The following AFAP1L1 variants were observed in gnomAD, a reference collection of about 807,000 sequenced individuals.
The protein encoded by AFAP1L1 is actin filament-associated protein 1-like 1.
A neutral mutation model predicts 99.8 loss-of-function variants in AFAP1L1; 77 were observed. That is an observed-to-expected ratio of 0.77 (90% confidence interval 0.64 to 0.93). The LOEUF (loss-of-function observed/expected upper bound fraction) is 0.93. AFAP1L1 is among the 40% of genes least tolerant of loss of function. The pLI is 0.00. For synonymous variants in AFAP1L1, 373 were observed against 395.3 expected (o/e 0.94, Z 0.67); for missense variants, 893 against 996.8 (o/e 0.90, Z 1.40).
intron 1 of AFAP1L1, among the ~76,000 whole-genome samples, chr5:149,272,527 C>G (rs1281748456): frequency 6.6e-6 from 1 of 152,196 alleles, no homozygotes; most frequent in Admixed American, 6.5e-5. Flanking sequence ...CTCGGCCCAG[C>G]CCTTCTCTCT....
At chr5:149,309,658 G>C (rs1372752897) in intron 7 of AFAP1L1, among the ~76,000 whole-genome samples, 1 of 152,124 alleles carries the variant, frequency 6.6e-6, no homozygotes, top group Non-Finnish European at 1.5e-5. Context: ...TCCCGAGCCA[G>C]CCCATTTCTT....
rs1756252799 is a variant in AFAP1L1, at chr5:149,302,398, T to C, written c.328-20T>C. On this transcript the variant is annotated intron_variant, in intron 4 of 18. Coordinates refer to ENST00000296721, the MANE Select transcript of AFAP1L1 (RefSeq NM_152406.4). ...CTACCCTGCTCCGCTCCCCTAGCCC[T>C]CTTTTTTGTCCCCTTGCAGGCGGCC... The C allele has an allele frequency of 1.3e-6, 2 of 1,555,326 alleles. No individual in the cohort carries two copies. The highest frequency in any genetic ancestry group is 1.7e-6 in the Non-Finnish European group (2 of 1,148,420).
chr5:149,274,752 G>A (rs202059550), intron 1 of AFAP1L1, among the ~76,000 whole-genome samples: 2 of 151,998 alleles, frequency 1.3e-5, no homozygotes, highest in Admixed American at 1.3e-4. Flanking sequence ...GGTGGCGGGC[G>A]CCTGTAATCC....
intron 11 of AFAP1L1, 34 bp from the exon 12 acceptor site, chr5:149,317,695 G>T: frequency 6.2e-7 from 1 of 1,609,274 alleles, no homozygotes; most frequent in Non-Finnish European, 8.5e-7. Context: ...TCCCAGGGCA[G>T]GCTATGGGAA....
chr5:149,272,053 G>C (rs1347520649), intron 1 of AFAP1L1, 69 bp downstream of exon 1: 2 of 1,228,934 alleles, frequency 1.6e-6, no homozygotes, highest in African/African-American at 3.1e-5. Flanking sequence ...ACGATCTGAA[G>C]CCGGAGAGGA....
At position 149,315,924 on chromosome 5, in the gene AFAP1L1, T is replaced by C; in HGVS notation, c.1114+10T>C. On this transcript the variant is annotated intron_variant, in intron 10 of 18. Transcript: ENST00000296721. ...GAGACCTGTGATCACGGTAGGAGCC[T>C]CTGGGGGCTCAGGCTGGGGAATGCT... 4 of 1,613,752 alleles carry C rather than the reference T, an allele frequency of 2.5e-6. No homozygotes were observed. The highest frequency in any genetic ancestry group is 3.4e-6 in the Non-Finnish European group (4 of 1,179,718).
intron 1 of AFAP1L1, among the ~76,000 whole-genome samples, chr5:149,290,798 A>G (rs1232390727): frequency 2.6e-5 from 4 of 151,964 alleles, no homozygotes; most frequent in Non-Finnish European, 2.9e-5. Context: ...TTAAAATCAC[A>G]TTAACTAGCT....
chr5:149,301,810 A>C (rs1402099943), intron 4 of AFAP1L1, among the ~76,000 whole-genome samples: 1 of 152,252 alleles, frequency 6.6e-6, no homozygotes, highest in Non-Finnish European at 1.5e-5. Context: ...CATTGTCATC[A>C]TCACCAGCAA....
At chr5:149,337,723 A>T (rs1259174108) in intron 18 of AFAP1L1, among the ~76,000 whole-genome samples, 6 of 152,212 alleles carry the variant, frequency 3.9e-5, no homozygotes, top group African/African-American at 1.2e-4. Context: ...TGTTAATGTA[A>T]GAAGATAATT....
intron 9 of AFAP1L1, among the ~76,000 whole-genome samples, chr5:149,314,733 G>A (rs566152391): frequency 7.8e-4 from 119 of 152,188 alleles, no homozygotes; most frequent in African/African-American, 2.7e-3. Context: ...TGTCCTCTCC[G>A]TCCCCCGGTG....
Position 149,307,548 on chromosome 5 carries a change from C to A in AFAP1L1, c.682C>A (p.Leu228Met). The A allele has an allele frequency of 6.2e-7, 1 of 1,613,970 alleles. No individual in the cohort carries two copies. The stretch of plus-strand genomic sequence containing the variant: ...GGAATGCAGGATATGTGCCTTCCTG[C>A]TGCGGAAAAAGCGTTTCGGGCAGTG... ...VRECRICAFL[L>M]RKKRFGQWAK... Residue 228 changes from leucine (L) to methionine (M), a missense_variant, in exon 7 of 19, where the codon CTG becomes ATG. Transcript: ENST00000296721.
At position 149,343,554 on chromosome 5, in the gene AFAP1L1, A is replaced by G. The variant is rs1475225872; in HGVS notation, c.*3524A>G. On this transcript the variant is annotated 3_prime_UTR_variant, in exon 19 of 19. Transcript: ENST00000296721. ...GTCAGAAATCAGTGGTGAACAAGACAGACACCTCATGAAGCTCACATTCTA... is the reference window on the plus strand; with the variant it reads ...GTCAGAAATCAGTGGTGAACAAGACGGACACCTCATGAAGCTCACATTCTA... 6.6e-6 allele frequency among the ~76,000 whole-genome samples: 1 copy of G among 152,224 alleles called. No homozygotes were observed. Among genetic ancestry groups the G allele is most frequent in the Non-Finnish European group, 1.5e-5 (1 of 68,044 alleles).
chr5:149,316,520 G>T (rs1483365850), intron 11 of AFAP1L1, among the ~76,000 whole-genome samples: 1 of 152,180 alleles, frequency 6.6e-6, no homozygotes, highest in Admixed American at 6.5e-5. Context: ...GGAAAAGCCA[G>T]CTGACCACTG....
intron 8 of AFAP1L1, among the ~76,000 whole-genome samples, chr5:149,311,361 C>T (rs1756624450): frequency 6.6e-6 from 1 of 152,202 alleles, no homozygotes; most frequent in African/African-American, 2.4e-5. Flanking sequence ...CTTGCCTTGA[C>T]ATTGATCCTG....
intron 11 of AFAP1L1, among the ~76,000 whole-genome samples, chr5:149,317,038 G>A (rs553535063): frequency 1.3e-5 from 2 of 151,966 alleles, no homozygotes; most frequent in African/African-American, 4.8e-5. Flanking sequence ...GGTGGTGTAT[G>A]CCTGTAATCC....
At chr5:149,318,674 C>T (rs571414058) in intron 12 of AFAP1L1, among the ~76,000 whole-genome samples, 218 of 152,324 alleles carry the variant, frequency 1.4e-3, no homozygotes, top group African/African-American at 4.8e-3. Flanking sequence ...GCACTAGCCT[C>T]CTCTCTGAGG....
intron 1 of AFAP1L1, among the ~76,000 whole-genome samples, chr5:149,283,670 A>G (rs1412539379): frequency 2.0e-5 from 3 of 152,242 alleles, no homozygotes; most frequent in Non-Finnish European, 4.4e-5. Context: ...TCTTTTGAAG[A>G]TGGAACCAGA....
chr5:149,319,639 T>G lies in AFAP1L1; in HGVS notation c.1537T>G (p.Ser513Ala). ...WLGLLLVEMG[S>A]RVTPEALHYD... ...CGGGCTGCTGCTGGTGGAGATGGGC[T>G]CCAGAGTCACTCCGGAGGCGCTGCA... is the stretch of plus-strand genomic sequence containing the variant. The change falls in exon 13 of 19, where the codon TCC becomes GCC. Residue 513 changes from serine to alanine, a missense_variant. Transcript: ENST00000296721. The G allele has an allele frequency of 1.2e-6, 2 of 1,613,216 alleles. No homozygotes were observed. The highest frequency in any genetic ancestry group is 1.7e-6 in the Non-Finnish European group (2 of 1,179,986).
At chr5:149,326,553 A>G (rs199590964) in intron 15 of AFAP1L1, among the ~76,000 whole-genome samples, 5 of 117,952 alleles carry the variant, frequency 4.2e-5, no homozygotes, top group Non-Finnish European at 1.1e-4. Context: ...AATAAAAAAA[A>G]AAAAAAAAAG....
Sources: allele counts gnomAD v4.1 joint callset (sites outside exome capture counted in the v4.1 genomes callset), GRCh38; gene constraint gnomAD v4.1.1; transcripts MANE v1.5; gene names NCBI Gene and HGNC (gene_info 2026-07-23, HGNC 2026-07-21).